PUDP: variants seen among roughly 807,000 people sequenced by gnomAD.
The protein encoded by PUDP is pseudouridine-5'-phosphatase.
PUDP carries 8 observed loss-of-function variants against 9.4 expected under a neutral mutation model. The observed-to-expected ratio is 0.85, with a 90% CI of 0.50 to 1.53. The LOEUF is 1.53. Ranked by LOEUF, PUDP falls within the 40% of genes most tolerant of loss-of-function variation. The probability of loss-of-function intolerance (pLI) is 0.00; values close to 1 mark genes in which losing one functional copy is unlikely to be tolerated. For missense variants in PUDP, 188 were observed against 189.7 expected, an observed-to-expected ratio of 0.99 and a Z score of 0.05; for synonymous variants, 99 against 80.7, an observed-to-expected ratio of 1.23 and a Z score of -1.22.
chrX:6,723,671 A>AC (rs1924703273), upstream of PUDP, among the ~76,000 whole-genome samples: 3 of 96,796 alleles, frequency 3.1e-5, no homozygotes, highest in Non-Finnish European at 6.2e-5. Flanking sequence ...AACCCCACCA[A>AC]AAAAACAAAA....
At chrX:7,046,303 GACACAT>G (rs1330180332), downstream of PUDP, among the ~76,000 whole-genome samples, 10 of 111,743 alleles carry the variant, frequency 8.9e-5, no homozygotes, top group African/African-American at 3.3e-4. Flanking sequence ...TGAGGACACA[GACACAT>G]ACACAGAAGG....
chrX:7,020,812 G>A (rs979070932), intron 1 of PUDP, among the ~76,000 whole-genome samples: 1 of 112,563 alleles, frequency 8.9e-6, no homozygotes, highest in African/African-American at 3.2e-5. Flanking sequence ...CCCAAATACT[G>A]GCCAATGTAG....
chrX:7,032,176 G>A (rs1929800740), intron 1 of PUDP, among the ~76,000 whole-genome samples: 1 of 112,145 alleles, frequency 8.9e-6, no homozygotes, highest in African/African-American at 3.2e-5. Flanking sequence ...AGTTATCAAG[G>A]AAATAAAAAG....
upstream of PUDP, among the ~76,000 whole-genome samples, chrX:6,723,591 G>A (rs1483929071): frequency 2.8e-5 from 3 of 109,066 alleles, no homozygotes; most frequent in African/African-American, 1.0e-4. Flanking sequence ...ATTGGCTCAG[G>A]AGACTAAGGC....
chrX:6,858,023 G>GA (rs1274536231), intron 3 of PUDP, among the ~76,000 whole-genome samples: 1 of 111,926 alleles, frequency 8.9e-6, no homozygotes, highest in Admixed American at 9.5e-5. Context: ...CTGGTCACAA[G>GA]AAAGACCAAC....
chrX:6,729,896 T>C (rs937281694), intron 3 of PUDP, among the ~76,000 whole-genome samples: 1 of 111,309 alleles, frequency 9.0e-6, no homozygotes, highest in Admixed American at 9.6e-5. Flanking sequence ...TTAGTCCAAA[T>C]TGTGCCACCC....
At chrX:6,926,808 T>G (rs1025947532) in intron 3 of PUDP, among the ~76,000 whole-genome samples, 1 of 111,657 alleles carries the variant, frequency 9.0e-6, no homozygotes, top group African/African-American at 3.3e-5. Context: ...TTGCTTTGGA[T>G]AAATGAATCC....
intron 1 of PUDP, among the ~76,000 whole-genome samples, chrX:7,028,156 T>C (rs1929745290): frequency 3.7e-5 from 4 of 108,474 alleles, no homozygotes; most frequent in African/African-American, 1.3e-4. Context: ...ATATAATAGA[T>C]ACATAGTCTA....
intron 3 of PUDP, among the ~76,000 whole-genome samples, chrX:6,909,655 C>T (rs1474485921): frequency 9.0e-6 from 1 of 111,138 alleles, no homozygotes; most frequent in African/African-American, 3.3e-5. Context: ...CGAAGTATGT[C>T]TCTCTACAGG....
At chrX:6,996,622 A>ATG (rs1169746266) in intron 1 of PUDP, among the ~76,000 whole-genome samples, 2 of 105,993 alleles carry the variant, frequency 1.9e-5, no homozygotes, top group African/African-American at 3.4e-5. Context: ...ATATATATAT[A>ATG]TGTGTGTGTA....
At chrX:7,056,724 TG>T (rs1930254458) in intron 3 of PUDP, among the ~76,000 whole-genome samples, 2 of 111,285 alleles carry the variant, frequency 1.8e-5, no homozygotes, top group African/African-American at 6.5e-5. Flanking sequence ...GGAGGTGTCC[TG>T]GGTACAGGAC....
chrX:7,100,141 G>C (rs1426554748), intron 2 of PUDP, among the ~76,000 whole-genome samples: 1 of 84,226 alleles, frequency 1.2e-5, no homozygotes, highest in African/African-American at 4.7e-5. Context: ...CTGATTCCTC[G>C]GTGATTGGCC....
At chrX:6,725,945 T>C (rs191342736), upstream of PUDP, among the ~76,000 whole-genome samples, 14 of 111,874 alleles carry the variant, frequency 1.3e-4, no homozygotes, top group African/African-American at 4.2e-4. Context: ...AATCATTGTA[T>C]CAAAAAGACA....
intron 1 of PUDP, among the ~76,000 whole-genome samples, chrX:6,708,452 G>A (rs1024576753): frequency 2.7e-5 from 3 of 111,790 alleles, no homozygotes; most frequent in Non-Finnish European, 5.6e-5. Flanking sequence ...ATGCTGAGGA[G>A]ATTAATGAGA....
intron 3 of PUDP, among the ~76,000 whole-genome samples, chrX:6,803,462 A>C (rs1315409473): frequency 8.9e-6 from 1 of 112,224 alleles, no homozygotes; most frequent in Admixed American, 9.5e-5. Flanking sequence ...TTAGCTAATA[A>C]ATGTGTCACC....
At chrX:6,806,308 G>C (rs56830569) in intron 3 of PUDP, among the ~76,000 whole-genome samples, 2 of 109,560 alleles carry the variant, frequency 1.8e-5, no homozygotes, top group East Asian at 5.8e-4. Flanking sequence ...GAGTAGACTC[G>C]GTGAAATTTA....
rs968290654 is a variant in PUDP at position 6,953,863 on chromosome X, T to C, written c.*247+23270A>G. Among the ~76,000 whole-genome samples the C allele has an allele frequency of 4.5e-5, 5 of 111,629 alleles. No homozygotes were observed. In the East Asian group the frequency reaches 1.1e-3, roughly 25 times the overall value. Reference sequence around the variant, plus strand: ...GTCCCCACCCAGATCTCATCTTGAATTGTAGTTCCCATAATCCCCACTTGT... The same window carrying C: ...GTCCCCACCCAGATCTCATCTTGAACTGTAGTTCCCATAATCCCCACTTGT... On this transcript the variant is annotated intron_variant and NMD_transcript_variant, in intron 3 of 3. Transcript: ENST00000655425.
At chrX:7,074,509 T>C (rs963316605) in intron 3 of PUDP, among the ~76,000 whole-genome samples, 1 of 112,822 alleles carries the variant, frequency 8.9e-6, no homozygotes, top group Non-Finnish European at 1.9e-5. Context: ...CAGCTCATGT[T>C]AACAAGGCAA....
In PUDP at chrX:7,098,858, C is replaced by CCAGCCAAGAGATGCAGGGGAGAGA. The variant is rs1276180672; in HGVS notation, c.280+6761_280+6762insTCTCTCCCCTGCATCTCTTGGCTG. On this transcript the variant is annotated intron_variant, in intron 2 of 3. Coordinates refer to ENST00000381077, the MANE Select transcript of PUDP (RefSeq NM_012080.5). The stretch of plus-strand genomic sequence containing the variant: ...AAGGGCCAAGAGATGCAGGGGAGAG[C>CCAGCCAAGAGATGCAGGGGAGAGA]CGGCCAAGAGATGCAGGGGAGAGCC... Among the ~76,000 whole-genome samples the CCAGCCAAGAGATGCAGGGGAGAGA allele has an allele frequency of 2.5e-4, 27 of 106,788 alleles. 1 individual carries two copies. The highest frequency in any genetic ancestry group is 6.9e-4 in the Admixed American group (7 of 10,076). The allele number at this position is 106,788 out of a possible 115,157, so 92.7% of individuals were successfully genotyped here. A position where few individuals can be genotyped will look rare whatever the true frequency, so the allele number is the denominator to read the frequency against.
Sources: gnomAD v4.1 joint callset for allele counts (sites outside exome capture counted in the v4.1 genomes callset) on GRCh38, gnomAD v4.1.1 for gene constraint, MANE v1.5 for transcripts, NCBI Gene and HGNC (gene_info 2026-07-23, HGNC 2026-07-21) for gene names.